The following ARHGEF28 variants were observed in gnomAD, a reference collection of about 807,000 sequenced individuals.
ARHGEF28 encodes the protein 190 kDa guanine nucleotide exchange factor.
ARHGEF28 carries 152 observed loss-of-function variants against 206.6 expected under a neutral mutation model. The observed-to-expected ratio is 0.74, with a 90% CI of 0.64 to 0.84. ARHGEF28 has a LOEUF of 0.84. Ranked by LOEUF, ARHGEF28 falls within the 40% of genes least tolerant of loss-of-function variation. The probability of loss-of-function intolerance (pLI) is 0.00; values close to 1 mark genes in which losing one functional copy is unlikely to be tolerated. For missense variants in ARHGEF28, 2,028 were observed against 2,073.2 expected (o/e 0.98, Z 0.42); for synonymous variants, 763 against 776.4 (o/e 0.98, Z 0.29).
Position 73,686,354 on chromosome 5 carries a change from A to G in ARHGEF28, c.33+1470A>G, listed in dbSNP as rs16870687. On this transcript the variant is annotated intron_variant, in intron 2 of 35. Coordinates refer to ENST00000513042, the MANE Select transcript of ARHGEF28 (RefSeq NM_001177693.2). ...ACAAATCCACAAGCCTAATCGTGAT[A>G]GAAGCCTTGTAGCTGACCGACCTCC... Among the ~76,000 whole-genome samples the G allele has an allele frequency of 4.9e-3, 748 of 152,216 alleles. 5 individuals are homozygous for G. The highest frequency in any genetic ancestry group is 0.018 in the African/African-American group (729 of 41,534).
chr5:73,784,650 C>T (rs1754045774), intron 7 of ARHGEF28, among the ~76,000 whole-genome samples: 1 of 152,134 alleles, frequency 6.6e-6, no homozygotes, highest in Admixed American at 6.5e-5. Context: ...CAGTAGTTCC[C>T]TCTTATCTTT....
intron 4 of ARHGEF28, among the ~76,000 whole-genome samples, chr5:73,760,416 T>C (rs929198549): frequency 6.6e-6 from 1 of 152,078 alleles, no homozygotes; most frequent in Non-Finnish European, 1.5e-5. Flanking sequence ...GTGTACACAC[T>C]CAGTATTGCT....
chr5:73,631,811 C>T (rs986772572), intron 1 of ARHGEF28, among the ~76,000 whole-genome samples: 39 of 149,556 alleles, frequency 2.6e-4, no homozygotes, highest in African/African-American at 8.8e-4. Context: ...TAGTGGGCCC[C>T]TTTTCCTCCC....
chr5:73,682,363 C>T (rs1747160884), intron 1 of ARHGEF28, among the ~76,000 whole-genome samples: 1 of 151,538 alleles, frequency 6.6e-6, no homozygotes, highest in Admixed American at 6.6e-5. Context: ...TTCATATTCA[C>T]TTTCTTGCCA....
intron 35 of ARHGEF28, among the ~76,000 whole-genome samples, chr5:73,932,800 CTTTT>C (rs386404110): frequency 5.4e-5 from 4 of 73,422 alleles, no homozygotes; most frequent in African/African-American, 1.1e-4. Context: ...TTTCCTATTT[CTTTT>C]TTTTTTTTTT....
chr5:73,631,205 TTTAAG>T (rs1335876162), intron 1 of ARHGEF28, among the ~76,000 whole-genome samples: 3 of 152,170 alleles, frequency 2.0e-5, no homozygotes, highest in Non-Finnish European at 2.9e-5. Context: ...ATGAAGGACT[TTTAAG>T]TATGGTGAAA....
chr5:73,744,363 A>G (rs946049919), intron 2 of ARHGEF28, among the ~76,000 whole-genome samples: 3 of 152,154 alleles, frequency 2.0e-5, no homozygotes, highest in African/African-American at 7.2e-5. Context: ...GCAGAAATCA[A>G]GAAACCTAAT....
At chr5:73,790,797 C>G (rs1040386425) in intron 7 of ARHGEF28, among the ~76,000 whole-genome samples, 7 of 152,050 alleles carry the variant, frequency 4.6e-5, no homozygotes, top group Non-Finnish European at 1.0e-4. Context: ...TTTTAATTCT[C>G]TGGCCATTGT....
intron 9 of ARHGEF28, among the ~76,000 whole-genome samples, chr5:73,797,984 A>C (rs1372698027): frequency 6.6e-6 from 1 of 152,076 alleles, no homozygotes; most frequent in African/African-American, 2.4e-5. Context: ...TAATTATCTA[A>C]TTTTATTGTA....
In ARHGEF28 at chr5:73,919,027, G is replaced by T. The variant is rs187769666; in HGVS notation, c.4948+7452G>T. ...AACTTTGCTTCAAACCCTGGACTCT[G>T]GCTCCTACTGCCGTGGGATCCCTAA... On this transcript the variant is annotated intron_variant, in intron 35 of 35. Transcript: ENST00000513042. Among the ~76,000 whole-genome samples the T allele has an allele frequency of 3.9e-5, 6 of 152,260 alleles. No homozygotes were observed. In the East Asian group the frequency reaches 1.2e-3, roughly 29 times the overall value.
chr5:73,880,213 G>T (rs1306202081), intron 22 of ARHGEF28, among the ~76,000 whole-genome samples: 2 of 152,208 alleles, frequency 1.3e-5, no homozygotes, highest in Non-Finnish European at 2.9e-5. Flanking sequence ...GACTCCGTGG[G>T]TGTAGGACCC....
chr5:73,766,176 AAAAACAAAAC>A (rs1035742550), intron 4 of ARHGEF28, among the ~76,000 whole-genome samples: 2 of 151,800 alleles, frequency 1.3e-5, no homozygotes, highest in Non-Finnish European at 2.9e-5. Flanking sequence ...ACAAAAAACA[AAAAACAAAAC>A]AAAACAAAAC....
At position 73,887,657 on chromosome 5, in the gene ARHGEF28, A is replaced by G. The variant is rs773227733; in HGVS notation, c.3365A>G (p.Gln1122Arg). 5 of 1,573,818 alleles carry G rather than the reference A, an allele frequency of 3.2e-6. No individual in the cohort carries two copies. Among genetic ancestry groups the G allele is most frequent in the African/African-American group, 1.3e-5 (1 of 74,398 alleles). ...CTGCTCTTTTTACAAGAAAAAGACC[A>G]GAAATACATCTTTGCAGCCGTTGTA... ...DVLLFLQEKDQKYIFAAVDQK... is the reference protein window; with the variant it reads ...DVLLFLQEKDRKYIFAAVDQK... Residue 1122 changes from glutamine to arginine, a missense_variant, in exon 26 of 36, where the codon CAG becomes CGG. Transcript: ENST00000513042.
intron 35 of ARHGEF28, among the ~76,000 whole-genome samples, chr5:73,921,898 C>T (rs139690026): frequency 6.6e-6 from 1 of 152,204 alleles, no homozygotes; most frequent in Non-Finnish European, 1.5e-5. Context: ...ATCTCGGCAC[C>T]CTGTGCAATG....
At chr5:73,798,947 C>T (rs549987919) in intron 9 of ARHGEF28, among the ~76,000 whole-genome samples, 17 of 152,154 alleles carry the variant, frequency 1.1e-4, no homozygotes, top group South Asian at 4.1e-4. Context: ...ATTAGCCAGG[C>T]GTGGTGGCGC....
At chr5:73,820,192 G>A (rs1012976027) in intron 9 of ARHGEF28, among the ~76,000 whole-genome samples, 1 of 152,140 alleles carries the variant, frequency 6.6e-6, no homozygotes, top group African/African-American at 2.4e-5. Context: ...TAGGCAGTGG[G>A]GCAGGGGAGG....
At chr5:73,801,102 A>G (rs1340283508) in intron 9 of ARHGEF28, among the ~76,000 whole-genome samples, 3 of 152,248 alleles carry the variant, frequency 2.0e-5, no homozygotes, top group African/African-American at 7.2e-5. Flanking sequence ...GTGCTATTAT[A>G]AAGTAGCACT....
chr5:73,743,284 C>G (rs1401470638), intron 2 of ARHGEF28, among the ~76,000 whole-genome samples: 1 of 151,942 alleles, frequency 6.6e-6, no homozygotes, highest in Non-Finnish European at 1.5e-5. Context: ...CAGATATTAC[C>G]CAATTGTCTT....
chr5:73,783,770 G>A lies in ARHGEF28; in HGVS notation c.910+3025G>A, dbSNP rs1753988614. On this transcript the variant is annotated intron_variant, in intron 7 of 35. Coordinates refer to ENST00000513042, the MANE Select transcript of ARHGEF28 (RefSeq NM_001177693.2). ...GATGGGCCTTCCAGGAAGCAGAATT[G>A]TGACAAAATATACGTTCAGTTTTAG... 2.6e-5 allele frequency among the ~76,000 whole-genome samples: 4 copies of A among 152,238 alleles called. No individual in the cohort carries two copies. The South Asian group carries it at 6.2e-4, about 24-fold the overall frequency.
Sources: allele counts gnomAD v4.1 joint callset (sites outside exome capture counted in the v4.1 genomes callset), GRCh38; gene constraint gnomAD v4.1.1; transcripts MANE v1.5; gene names NCBI Gene and HGNC (gene_info 2026-07-23, HGNC 2026-07-21).